EPHA6: variants seen among roughly 807,000 people sequenced by gnomAD.
EPHA6 encodes EPH receptor A6.
A neutral mutation model predicts 112.0 loss-of-function variants in EPHA6; 50 were observed. The ratio of observed to expected loss-of-function variants is 0.45; its 90% CI spans 0.36 to 0.56. The LOEUF (loss-of-function observed/expected upper bound fraction) is 0.56, where lower values mean the gene tolerates loss of function less well. Ranked by LOEUF, EPHA6 falls within the 20% of genes least tolerant of loss-of-function variation. The pLI is 0.00. For synonymous variants in EPHA6, 529 were observed against 490.7 expected, an observed-to-expected ratio of 1.08 and a Z score of -1.03; for missense variants, 1,280 against 1,417.4, an observed-to-expected ratio of 0.90 and a Z score of 1.56.
At chr3:97,143,920 A>G (rs1237763113) in intron 3 of EPHA6, among the ~76,000 whole-genome samples, 2 of 151,502 alleles carry the variant, frequency 1.3e-5, no homozygotes, top group African/African-American at 4.9e-5. Context: ...TTAAAGGAAA[A>G]ATGAGGATTA....
At chr3:97,364,191 A>G (rs980676686) in intron 5 of EPHA6, among the ~76,000 whole-genome samples, 1 of 152,084 alleles carries the variant, frequency 6.6e-6, no homozygotes, top group Non-Finnish European at 1.5e-5. Context: ...TGAAAAAAAG[A>G]GTTCTGAATT....
intron 3 of EPHA6, among the ~76,000 whole-genome samples, chr3:97,210,408 T>A (rs189746828): frequency 1.6e-3 from 237 of 152,180 alleles, no homozygotes; most frequent in African/African-American, 5.6e-3. Context: ...AAGAACAGCA[T>A]GAGGGAAACC....
At chr3:96,874,840 A>T (rs1363794434) in intron 2 of EPHA6, among the ~76,000 whole-genome samples, 1 of 152,110 alleles carries the variant, frequency 6.6e-6, no homozygotes, top group Non-Finnish European at 1.5e-5. Flanking sequence ...ACATTGAAAG[A>T]TACATGCAGA....
intron 6 of EPHA6, among the ~76,000 whole-genome samples, chr3:97,435,990 G>A (rs1275356480): frequency 6.6e-6 from 1 of 152,144 alleles, no homozygotes; most frequent in Non-Finnish European, 1.5e-5. Flanking sequence ...ACTTCAGGAA[G>A]CTGTCAATTA....
chr3:96,991,342 AC>A lies in EPHA6; in HGVS notation c.1114+3350del, dbSNP rs2043209171. Among the ~76,000 whole-genome samples the A allele has an allele frequency of 2.0e-5, 3 of 152,194 alleles. No individual in the cohort carries two copies. The South Asian group carries it at 6.2e-4, about 32-fold the overall frequency. On this transcript the variant is annotated intron_variant, in intron 3 of 17. Transcript: ENST00000389672. ...CTCAGCTAGTAGTTCTGCTTAATGT[AC>A]AATAAACAGCCATCACTTATGTAGC...
intron 5 of EPHA6, among the ~76,000 whole-genome samples, chr3:97,346,526 T>C (rs1380187434): frequency 6.6e-6 from 1 of 152,122 alleles, no homozygotes; most frequent in African/African-American, 2.4e-5. Context: ...GACTTCCTTC[T>C]CTGGATGCAG....
At chr3:96,986,923 T>A (rs1261950669) in intron 2 of EPHA6, among the ~76,000 whole-genome samples, 1 of 152,238 alleles carries the variant, frequency 6.6e-6, no homozygotes, top group Admixed American at 6.5e-5. Flanking sequence ...GTGCGTTTTT[T>A]ATATATTTAG....
intron 5 of EPHA6, among the ~76,000 whole-genome samples, chr3:97,355,297 A>G (rs1030595787): frequency 3.9e-5 from 6 of 152,198 alleles, no homozygotes; most frequent in Admixed American, 2.6e-4. Flanking sequence ...AAATATAATA[A>G]TTACAAAAAT....
chr3:97,335,826 A>T (rs1421469238), intron 5 of EPHA6, among the ~76,000 whole-genome samples: 2 of 152,050 alleles, frequency 1.3e-5, no homozygotes, highest in African/African-American at 4.8e-5. Flanking sequence ...GAATTCAGGG[A>T]TTGGAGTTTT....
intron 7 of EPHA6, among the ~76,000 whole-genome samples, chr3:97,451,645 G>A (rs2090533401): frequency 6.7e-6 from 1 of 149,654 alleles, no homozygotes; most frequent in African/African-American, 2.5e-5. Context: ...AAAGCCTGCT[G>A]TTTATACCCA....
At chr3:96,888,731 G>T (rs2037781082) in intron 2 of EPHA6, among the ~76,000 whole-genome samples, 1 of 152,174 alleles carries the variant, frequency 6.6e-6, no homozygotes, top group South Asian at 2.1e-4. Flanking sequence ...GGGAGGAGCT[G>T]CTGTAAAGAC....
chr3:97,747,570 T>C lies in EPHA6; in HGVS notation c.3276T>C (p.Ile1092=). The C allele has an allele frequency of 6.2e-7, 1 of 1,604,452 alleles. No homozygotes were observed. The highest frequency in any genetic ancestry group is 8.5e-7 in the Non-Finnish European group (1 of 1,175,442). Residue 1092 remains isoleucine (I), a splice_region_variant and synonymous_variant, in exon 17 of 18, where the codon ATT becomes ATC. Transcript: ENST00000389672. ...TTGACCTGATTTCAAGAATGAGCAT[T>C]GAGTAAGTGATACTAGGTTTATTAC... ...TTFDLISRMS[I]DDIRRIGVIL...
intron 2 of EPHA6, among the ~76,000 whole-genome samples, chr3:96,957,045 A>AG (rs2041792479): frequency 6.6e-6 from 1 of 152,102 alleles, no homozygotes; most frequent in African/African-American, 2.4e-5. Flanking sequence ...AAAAAAAAAA[A>AG]AAAATCTGAA....
intron 9 of EPHA6, chr3:97,481,365 G>A (rs952111338): frequency 7.8e-6 from 12 of 1,541,702 alleles, no homozygotes; most frequent in Non-Finnish European, 9.8e-6. Flanking sequence ...TAGCTATTCT[G>A]AGAAGGAGTT....
intron 10 of EPHA6, among the ~76,000 whole-genome samples, chr3:97,495,482 T>G (rs1245534548): frequency 6.6e-6 from 1 of 151,986 alleles, no homozygotes; most frequent in African/African-American, 2.4e-5. Context: ...ATGGAATATA[T>G]GGTATATGTA....
At chr3:97,509,994 T>A (rs576320724) in intron 10 of EPHA6, among the ~76,000 whole-genome samples, 1 of 152,366 alleles carries the variant, frequency 6.6e-6, no homozygotes, top group South Asian at 2.1e-4. Flanking sequence ...TTCATACTTG[T>A]GTACACTTCA....
chr3:97,749,008 A>T lies in EPHA6; in HGVS notation c.*307A>T. The T allele has an allele frequency of 3.1e-6, 1 of 322,534 alleles. No individual in the cohort carries two copies. The highest frequency in any genetic ancestry group is 5.9e-6 in the Non-Finnish European group (1 of 169,644). The allele number at this position is 322,534 out of a possible 1,614,324, so 20.0% of individuals were successfully genotyped here. A position where few individuals can be genotyped will look rare whatever the true frequency, so the allele number is the denominator to read the frequency against. On this transcript the variant is annotated 3_prime_UTR_variant, in exon 18 of 18. Coordinates refer to ENST00000389672, the MANE Select transcript of EPHA6 (RefSeq NM_001080448.3). ...TATATGGGAAGTGTTCACGGACTTA[A>T]CCTAAAAAAATTTATCCAGGTGGGG...
At chr3:97,064,926 A>C (rs992818838) in intron 3 of EPHA6, among the ~76,000 whole-genome samples, 1 of 152,164 alleles carries the variant, frequency 6.6e-6, no homozygotes, top group Non-Finnish European at 1.5e-5. Flanking sequence ...GGAAAGGAGA[A>C]AAGACTTGAT....
intron 3 of EPHA6, among the ~76,000 whole-genome samples, chr3:97,134,762 T>C (rs1471450673): frequency 6.6e-6 from 1 of 152,144 alleles, no homozygotes; most frequent in African/African-American, 2.4e-5. Flanking sequence ...AGTAGAATAC[T>C]ACCAAAATGA....
Sources: allele counts gnomAD v4.1 joint callset (sites outside exome capture counted in the v4.1 genomes callset), GRCh38; gene constraint gnomAD v4.1.1; transcripts MANE v1.5; gene names NCBI Gene and HGNC (gene_info 2026-07-23, HGNC 2026-07-21).